SNTG1: variants seen among roughly 807,000 people sequenced by gnomAD.
The protein encoded by SNTG1 is syntrophin gamma 1.
In SNTG1, 39 loss-of-function variants were observed where a neutral mutation model predicts 74.7. The observed-to-expected ratio is 0.52, with a 90% confidence interval of 0.40 to 0.68. The LOEUF (loss-of-function observed/expected upper bound fraction) is 0.68. Ranked by LOEUF, SNTG1 falls within the 30% of genes least tolerant of loss-of-function variation. The probability of loss-of-function intolerance (pLI) is 0.00; values close to 1 mark genes in which losing one functional copy is unlikely to be tolerated. For synonymous variants in SNTG1, 254 were observed against 217.1 expected, an observed-to-expected ratio of 1.17 and a Z score of -1.49; for missense variants, 685 against 609.5, an observed-to-expected ratio of 1.12 and a Z score of -1.30.
chr8:50,628,763 T>C (rs2094975116), intron 13 of SNTG1, among the ~76,000 whole-genome samples: 1 of 151,608 alleles, frequency 6.6e-6, no homozygotes, highest in Admixed American at 6.6e-5. Context: ...ATGTTTATTT[T>C]TGCTTGTTTA....
intron 8 of SNTG1, among the ~76,000 whole-genome samples, chr8:50,457,581 AC>A (rs1364389402): frequency 6.6e-6 from 1 of 152,198 alleles, no homozygotes; most frequent in Non-Finnish European, 1.5e-5. Flanking sequence ...TAAAAATCAT[AC>A]AGATAAAAGA....
chr8:50,707,023 A>G (rs2095445520), intron 16 of SNTG1, among the ~76,000 whole-genome samples: 1 of 152,022 alleles, frequency 6.6e-6, no homozygotes, highest in Non-Finnish European at 1.5e-5. Context: ...CAAATTAAAT[A>G]TTTCAATATT....
At chr8:50,152,558 C>G (rs1213895994) in intron 1 of SNTG1, among the ~76,000 whole-genome samples, 2 of 152,118 alleles carry the variant, frequency 1.3e-5, no homozygotes, top group African/African-American at 4.8e-5. Context: ...TTGTTCCTTT[C>G]TATGTTTAGT....
intron 1 of SNTG1, among the ~76,000 whole-genome samples, chr8:49,916,115 A>G (rs751401514): frequency 9.2e-5 from 14 of 152,140 alleles, no homozygotes; most frequent in Non-Finnish European, 2.1e-4. Context: ...TTGTGGTTAA[A>G]TTATATAATT....
chr8:50,686,995 C>T (rs2095355082), intron 15 of SNTG1, among the ~76,000 whole-genome samples: 3 of 150,990 alleles, frequency 2.0e-5, no homozygotes, highest in Non-Finnish European at 3.0e-5. Flanking sequence ...ATTAGCCGGG[C>T]GCAGTGGCGG....
At position 50,593,788 on chromosome 8, in the gene SNTG1, G is replaced by C. The variant is rs554999894; in HGVS notation, c.849+2871G>C. Among the ~76,000 whole-genome samples, 20 of 151,196 alleles carry C rather than the reference G, an allele frequency of 1.3e-4. No homozygotes were observed. The South Asian group carries it at 2.9e-3, about 22-fold the overall frequency. On this transcript the variant is annotated intron_variant, in intron 13 of 18. Transcript: ENST00000642720. ...GCTGGAGTGCAGTGGCACAATCTTGGCTCACTGCAACCTCCGCCTCCCTGG... is the reference window on the plus strand; with the variant it reads ...GCTGGAGTGCAGTGGCACAATCTTGCCTCACTGCAACCTCCGCCTCCCTGG...
chr8:50,094,893 A>G (rs144635222), intron 1 of SNTG1, among the ~76,000 whole-genome samples: 2,107 of 152,274 alleles, frequency 0.014, 20 homozygotes, highest in Non-Finnish European at 0.021. Flanking sequence ...GATAGCAAAG[A>G]CATGGAATCA....
chr8:50,606,559 A>C (rs1487402577), intron 13 of SNTG1, among the ~76,000 whole-genome samples: 2 of 151,910 alleles, frequency 1.3e-5, no homozygotes, highest in African/African-American at 4.8e-5. Flanking sequence ...TTCATTTTGG[A>C]TACATTTTAT....
At chr8:50,563,769 G>T (rs1013884323) in intron 12 of SNTG1, among the ~76,000 whole-genome samples, 2 of 151,998 alleles carry the variant, frequency 1.3e-5, no homozygotes, top group Non-Finnish European at 2.9e-5. Context: ...ACATTGACTT[G>T]TGGTTTCCTA....
chr8:50,102,173 C>T (rs1234847588), intron 1 of SNTG1, among the ~76,000 whole-genome samples: 1 of 147,088 alleles, frequency 6.8e-6, no homozygotes, highest in East Asian at 2.1e-4. Context: ...ACAGTCCCAC[C>T]AACAGTGTAA....
intron 15 of SNTG1, among the ~76,000 whole-genome samples, chr8:50,702,074 C>CAG (rs1356454609): frequency 0.019 from 2 of 106 alleles, no homozygotes. Context: ...TGGTCTGGAA[C>CAG]TCCCCAACCT....
In SNTG1 at chr8:50,536,754, T is replaced by C; in HGVS notation, c.626T>C (p.Ile209Thr). ...AAGCGATGGTGCGACCTCAGACTGA[T>C]CCCTCTACTTCATTCGCGCTTCTCT... ...WEKRWCDLRL[I>T]PLLHSRFSQY... The change falls in exon 11 of 19, where the codon ATC becomes ACC. Residue 209 changes from isoleucine (I) to threonine (T), a missense_variant. Transcript: ENST00000642720. 1 of 1,614,044 alleles carries C rather than the reference T, an allele frequency of 6.2e-7. No homozygotes were observed.
At chr8:50,038,266 G>A (rs973671349) in intron 1 of SNTG1, among the ~76,000 whole-genome samples, 1 of 152,120 alleles carries the variant, frequency 6.6e-6, no homozygotes, top group South Asian at 2.1e-4. Flanking sequence ...GGCAAGAATC[G>A]GGTGGACTAA....
chr8:50,365,194 C>T (rs958509154), intron 2 of SNTG1, among the ~76,000 whole-genome samples: 1 of 152,032 alleles, frequency 6.6e-6, no homozygotes, highest in Non-Finnish European at 1.5e-5. Flanking sequence ...ATCAAAAAGA[C>T]ATCTAAAACT....
intron 2 of SNTG1, among the ~76,000 whole-genome samples, chr8:50,369,885 G>T (rs948784591): frequency 2.6e-5 from 4 of 152,108 alleles, no homozygotes; most frequent in African/African-American, 9.7e-5. Flanking sequence ...TTCTGAGTTG[G>T]TTCTGAAGTA....
At chr8:50,005,732 A>G (rs186455) in intron 1 of SNTG1, among the ~76,000 whole-genome samples, 123,608 of 151,890 alleles carry the variant, frequency 0.81, 50,457 homozygotes, top group East Asian at 0.95. Context: ...CCATGTGATA[A>G]AATTAGATTT....
intron 8 of SNTG1, chr8:50,491,504 G>A (rs11995090): frequency 0.078 from 11,944 of 152,274 alleles, 1,034 homozygotes; most frequent in African/African-American, 0.22. Flanking sequence ...TGAGCCAGCC[G>A]CCGGACAACA....
chr8:50,625,994 A>T (rs76254970), intron 13 of SNTG1, among the ~76,000 whole-genome samples: 1 of 152,120 alleles, frequency 6.6e-6, no homozygotes. Flanking sequence ...CAGCCAAAAG[A>T]TACACACATG....
At chr8:50,477,008 T>C (rs760090176) in intron 8 of SNTG1, among the ~76,000 whole-genome samples, 3 of 152,144 alleles carry the variant, frequency 2.0e-5, no homozygotes, top group East Asian at 1.9e-4. Context: ...TCAGGTAATA[T>C]TGGATTTTAA....
Sources: gnomAD v4.1 joint callset for allele counts (sites outside exome capture counted in the v4.1 genomes callset) on GRCh38, gnomAD v4.1.1 for gene constraint, MANE v1.5 for transcripts, NCBI Gene and HGNC (gene_info 2026-07-23, HGNC 2026-07-21) for gene names.